The following BIN3 variants were observed in gnomAD, a reference collection of about 807,000 sequenced individuals.
BIN3 encodes the protein bridging integrator 3.
In BIN3, 41 loss-of-function variants were observed where a neutral mutation model predicts 38.2. The observed-to-expected ratio is 1.07, with a 90% CI of 0.84 to 1.39. The LOEUF is 1.39. Among genes scored for constraint, BIN3 ranks in the 40% most tolerant of loss-of-function variants. The pLI, the probability that BIN3 is intolerant of heterozygous loss-of-function variation, is 0.00. For missense variants in BIN3, 361 were observed against 324.3 expected (o/e 1.11, Z -0.87); for synonymous variants, 145 against 122.6 (o/e 1.18, Z -1.21).
At chr8:22,624,909 T>A (rs776340287) in intron 6 of BIN3, 28 of 231,124 alleles carry the variant, frequency 1.2e-4, no homozygotes, top group Non-Finnish European at 2.1e-4. Context: ...ATTCTCTGTC[T>A]GGCACCCTTT....
intron 1 of BIN3, among the ~76,000 whole-genome samples, chr8:22,663,454 A>AG (rs1450477691): frequency 3.3e-5 from 5 of 151,398 alleles, no homozygotes; most frequent in African/African-American, 1.2e-4. Context: ...AAAAAAAAAA[A>AG]AAAAAAAAGG....
chr8:22,633,724 G>C (rs921772042), intron 4 of BIN3, among the ~76,000 whole-genome samples: 35 of 152,210 alleles, frequency 2.3e-4, no homozygotes, highest in African/African-American at 7.2e-4. Flanking sequence ...GAACTCCAGG[G>C]ACACACATTT....
rs529059866 is a variant in BIN3 at position 22,659,330 on chromosome 8, A to G, written c.8+9714T>C. Among the ~76,000 whole-genome samples the G allele has an allele frequency of 3.3e-5, 5 of 152,312 alleles. No individual in the cohort carries two copies. The South Asian group carries it at 1.0e-3, about 32-fold the overall frequency. On this transcript the variant is annotated intron_variant, in intron 1 of 8. Coordinates refer to ENST00000276416, the MANE Select transcript of BIN3 (RefSeq NM_018688.6). Reference sequence around the variant, plus strand: ...CTTGATCCAAAACCAGAACACACAGAAATTGACCCCGACCCGCCAACAGTC... The same window carrying G: ...CTTGATCCAAAACCAGAACACACAGGAATTGACCCCGACCCGCCAACAGTC...
intron 1 of BIN3, among the ~76,000 whole-genome samples, chr8:22,666,435 C>CGAGA (rs756736252): frequency 3.3e-5 from 5 of 151,268 alleles, no homozygotes; most frequent in South Asian, 4.2e-4. Context: ...AAAAAGAGAG[C>CGAGA]GAGAGAGAGA....
At chr8:22,629,836 A>G (rs997495393) in intron 6 of BIN3, 128 bp downstream of exon 6, 35 of 928,644 alleles carry the variant, frequency 3.8e-5, no homozygotes, top group South Asian at 1.4e-4. Context: ...TGACGTCCCC[A>G]CTGAGTTTCC....
At chr8:22,651,761 A>G (rs1439108896) in intron 1 of BIN3, among the ~76,000 whole-genome samples, 2 of 152,164 alleles carry the variant, frequency 1.3e-5, no homozygotes, top group Non-Finnish European at 2.9e-5. Flanking sequence ...ACGGTGTTGT[A>G]TAATTTTACA....
chr8:22,661,893 C>T (rs767810530), intron 1 of BIN3, among the ~76,000 whole-genome samples: 22 of 151,484 alleles, frequency 1.5e-4, no homozygotes, highest in Non-Finnish European at 2.9e-4. Flanking sequence ...CAGGTTCAAA[C>T]GATTCTCCTG....
chr8:22,634,034 C>T (rs146450481), intron 4 of BIN3, among the ~76,000 whole-genome samples: 107 of 152,376 alleles, frequency 7.0e-4, no homozygotes, highest in Non-Finnish European at 1.3e-3. Flanking sequence ...CCCTGATGCC[C>T]TCCTTGGTTC....
intron 2 of BIN3, among the ~76,000 whole-genome samples, chr8:22,643,371 C>T (rs925342973): frequency 3.9e-5 from 6 of 152,130 alleles, no homozygotes; most frequent in African/African-American, 1.2e-4. Flanking sequence ...CAGTCTATCA[C>T]CTAGGGTGGA....
intron 8 of BIN3, among the ~76,000 whole-genome samples, chr8:22,623,451 G>C (rs1055064568): frequency 1.3e-5 from 2 of 152,150 alleles, no homozygotes; most frequent in Non-Finnish European, 2.9e-5. Context: ...CCCTTCCTTA[G>C]TGGTTCCAAG....
chr8:22,649,670 C>T (rs1176750069), intron 1 of BIN3, among the ~76,000 whole-genome samples: 1 of 151,986 alleles, frequency 6.6e-6, no homozygotes, highest in Non-Finnish European at 1.5e-5. Flanking sequence ...CTTCTTTGCA[C>T]TTTCCACATT....
At chr8:22,631,201 AC>A in intron 4 of BIN3, among the ~76,000 whole-genome samples, 1 of 152,188 alleles carries the variant, frequency 6.6e-6, no homozygotes, top group East Asian at 1.9e-4. Context: ...CACCCTGCCA[AC>A]CCCTGGTTTC....
At position 22,649,841 on chromosome 8, in the gene BIN3, ACACACACACACACACACC is replaced by A. The variant is rs1407065774; in HGVS notation, c.9-5056_9-5039del. The stretch of plus-strand genomic sequence containing the variant: ...CACACACACACACACACACACACAC[ACACACACACACACACACC>A]CCCAAAGGAAAAAATTAACAGTAAT... On this transcript the variant is annotated intron_variant, in intron 1 of 8. Coordinates refer to ENST00000276416, the MANE Select transcript of BIN3 (RefSeq NM_018688.6). Among the ~76,000 whole-genome samples, 71 of 134,180 alleles carry A rather than the reference ACACACACACACACACACC, an allele frequency of 5.3e-4. 1 individual carries two copies. Among genetic ancestry groups the A allele is most frequent in the African/African-American group, 2.0e-3 (66 of 32,782 alleles). The allele number at this position is 134,180 out of a possible 152,430, so 88.0% of individuals were successfully genotyped here.
intron 8 of BIN3, among the ~76,000 whole-genome samples, chr8:22,623,347 C>T (rs909908806): frequency 5.9e-5 from 9 of 152,218 alleles, no homozygotes; most frequent in African/African-American, 2.2e-4. Context: ...CCGTGTCTGA[C>T]CCCCAGTGGC....
At position 22,660,344 on chromosome 8, in the gene BIN3, C is replaced by T. The variant is rs551695135; in HGVS notation, c.8+8700G>A. The stretch of plus-strand genomic sequence containing the variant: ...TCCTGCGGACTCCGCAAGGAGAGCA[C>T]CTCTACTGGCCTCATCTCCATTCCG... On this transcript the variant is annotated intron_variant, in intron 1 of 8. Coordinates refer to ENST00000276416, the MANE Select transcript of BIN3 (RefSeq NM_018688.6). Among the ~76,000 whole-genome samples the T allele has an allele frequency of 3.9e-5, 6 of 152,376 alleles. No individual in the cohort carries two copies. The East Asian group carries it at 1.2e-3, about 29-fold the overall frequency.
Position 22,620,803 on chromosome 8 carries a change from A to AT in BIN3, c.*618dup, listed in dbSNP as rs1360929655. 10 of 152,370 alleles carry AT rather than the reference A, an allele frequency of 6.6e-5. No individual in the cohort carries two copies. Among genetic ancestry groups the AT allele is most frequent in the African/African-American group, 2.4e-4 (10 of 41,578 alleles). The allele number at this position is 152,370 out of a possible 1,614,324, so 9.4% of individuals were successfully genotyped here. On this transcript the variant is annotated 3_prime_UTR_variant, in exon 9 of 9. Coordinates refer to ENST00000276416, the MANE Select transcript of BIN3 (RefSeq NM_018688.6). ...ACTGTTCCTGCTTTGAGACCTGTGAATTCTTGTGGGACAGTTCCACTGACA... is the reference window on the plus strand; with the variant it reads ...ACTGTTCCTGCTTTGAGACCTGTGAATTTCTTGTGGGACAGTTCCACTGACA...
chr8:22,632,705 CTTTTTT>C (rs373810993), intron 4 of BIN3, among the ~76,000 whole-genome samples: 2 of 132,166 alleles, frequency 1.5e-5, no homozygotes, highest in Admixed American at 1.6e-4. Context: ...TTCCACTTTC[CTTTTTT>C]TTTTTTTTTT....
chr8:22,657,181 G>A (rs898688746), intron 1 of BIN3, among the ~76,000 whole-genome samples: 9 of 152,200 alleles, frequency 5.9e-5, no homozygotes, highest in Non-Finnish European at 1.2e-4. Context: ...AGTAAGCACC[G>A]GATGAATAAT....
intron 4 of BIN3, among the ~76,000 whole-genome samples, chr8:22,631,489 C>T (rs1003515449): frequency 4.6e-5 from 7 of 152,146 alleles, no homozygotes; most frequent in African/African-American, 7.2e-5. Flanking sequence ...GGATGTCTAG[C>T]GGAAATGTAG....
Sources: allele counts gnomAD v4.1 joint callset (sites outside exome capture counted in the v4.1 genomes callset), GRCh38; gene constraint gnomAD v4.1.1; transcripts MANE v1.5; gene names NCBI Gene and HGNC (gene_info 2026-07-23, HGNC 2026-07-21).